HEG1: variants seen among roughly 807,000 people sequenced by gnomAD.
HEG1 encodes the protein heart development protein with EGF like domains 1.
Under a neutral mutation model 125.6 loss-of-function variants are expected in HEG1, and 56 were observed. That is an observed-to-expected ratio of 0.45 (90% CI 0.36 to 0.56). The LOEUF (loss-of-function observed/expected upper bound fraction) is 0.56. HEG1 is among the 20% of genes least tolerant of loss of function. HEG1 has a pLI of 0.00. For synonymous variants in HEG1, 644 were observed against 668.5 expected, an observed-to-expected ratio of 0.96 and a Z score of 0.57; for missense variants, 1,523 against 1,670.0, an observed-to-expected ratio of 0.91 and a Z score of 1.53.
chr3:125,013,596 G>A lies in HEG1; in HGVS notation c.1983C>T (p.Ser661=), dbSNP rs1937195407. The part of the protein sequence containing the change: ...TDAEFVSDSS[S]SSSSSSSSSS... ...AAGAAGAGGAGGAGGAGGAAGAGGAGGAGGAGGAGTCACTAACAAACTCAG... is the reference window on the plus strand; with the variant it reads ...AAGAAGAGGAGGAGGAGGAAGAGGAAGAGGAGGAGTCACTAACAAACTCAG... The change falls in exon 6 of 17, where the codon TCC becomes TCT. Residue 661 remains serine (S), a synonymous_variant. Transcript: ENST00000311127. 6.3e-7 allele frequency: 1 copy of A among 1,599,766 alleles called. No individual in the cohort carries two copies. The highest frequency in any genetic ancestry group is 8.5e-7 in the Non-Finnish European group (1 of 1,173,106).
chr3:125,019,730 T>C, intron 4 of HEG1, 133 bp from the exon 5 acceptor site: 1 of 647,696 alleles, frequency 1.5e-6, no homozygotes, highest in Non-Finnish European at 2.7e-6. Flanking sequence ...AAATGTATTA[T>C]GCACTATCAT....
intron 1 of HEG1, among the ~76,000 whole-genome samples, chr3:125,044,463 C>T (rs540432080): frequency 2.0e-5 from 3 of 152,188 alleles, no homozygotes; most frequent in Admixed American, 6.5e-5. Context: ...GCAGCCAAAA[C>T]GTAGGTAGCA....
chr3:125,028,443 C>T (rs1002078530), intron 2 of HEG1, among the ~76,000 whole-genome samples: 1 of 152,182 alleles, frequency 6.6e-6, no homozygotes, highest in African/African-American at 2.4e-5. Context: ...TACCACCCTA[C>T]AGAGAGGCCA....
intron 14 of HEG1, 60 bp downstream of exon 14, chr3:124,990,727 T>C (rs1430642939): frequency 8.1e-6 from 12 of 1,477,984 alleles, no homozygotes; most frequent in Non-Finnish European, 1.1e-5. Context: ...CTGACACCTG[T>C]GCACTAACAA....
At chr3:124,978,221 C>T (rs1356261481) in intron 14 of HEG1, among the ~76,000 whole-genome samples, 1 of 152,200 alleles carries the variant, frequency 6.6e-6, no homozygotes, top group Non-Finnish European at 1.5e-5. Context: ...AATCTCAGCT[C>T]ACTGCAACCT....
In HEG1 at chr3:124,968,865, G is replaced by C. The variant is rs1482155624; in HGVS notation, c.*1787C>G. On this transcript the variant is annotated 3_prime_UTR_variant, in exon 17 of 17. Coordinates refer to ENST00000311127, the MANE Select transcript of HEG1 (RefSeq NM_020733.2). ...AAAAGGCGACACTTTGAAATTTTAGGTTAGCCTCCACTGATAAAAACAGTT... is the reference window on the plus strand; with the variant it reads ...AAAAGGCGACACTTTGAAATTTTAGCTTAGCCTCCACTGATAAAAACAGTT... 1 of 152,196 alleles carries C rather than the reference G, an allele frequency of 6.6e-6. No homozygotes were observed. The highest frequency in any genetic ancestry group is 1.5e-5 in the Non-Finnish European group (1 of 68,042). 9.4% of individuals were successfully genotyped at this position (152,196 alleles called of 1,614,324 possible).
chr3:124,997,470 T>G (rs1246947024), intron 12 of HEG1, among the ~76,000 whole-genome samples: 1 of 152,236 alleles, frequency 6.6e-6, no homozygotes, highest in African/African-American at 2.4e-5. Context: ...TTCCTTTGAA[T>G]TTAATTGGCC....
At position 124,969,178 on chromosome 3, in the gene HEG1, T is replaced by C. The variant is rs1936379618; in HGVS notation, c.*1474A>G. ...AGGGTGGAGACAATTCTTTTACCTC[T>C]GTATTCCCCTCACTTCATCCAAAAC... On this transcript the variant is annotated 3_prime_UTR_variant, in exon 17 of 17. Coordinates refer to ENST00000311127, the MANE Select transcript of HEG1 (RefSeq NM_020733.2). 6.6e-6 allele frequency: 1 copy of C among 152,222 alleles called. No homozygotes were observed. The highest frequency in any genetic ancestry group is 2.1e-4 in the South Asian group (1 of 4,830). The allele number at this position is 152,222 out of a possible 1,614,324, so 9.4% of individuals were successfully genotyped here.
chr3:124,982,076 T>C (rs903845764), intron 14 of HEG1, among the ~76,000 whole-genome samples: 19 of 152,158 alleles, frequency 1.2e-4, no homozygotes, highest in African/African-American at 4.6e-4. Context: ...CTAATTTTTG[T>C]ATTTTTAGAG....
chr3:125,026,831 C>T (rs1270777224), intron 3 of HEG1, among the ~76,000 whole-genome samples: 7 of 152,126 alleles, frequency 4.6e-5, no homozygotes, highest in African/African-American at 7.2e-5. Context: ...GAAACCCCGT[C>T]TCTACTAAAA....
At chr3:125,003,516 T>G (rs1937029676) in intron 9 of HEG1, among the ~76,000 whole-genome samples, 1 of 152,226 alleles carries the variant, frequency 6.6e-6, no homozygotes, top group African/African-American at 2.4e-5. Context: ...TCTTGGATCC[T>G]GGGAGGCCAT....
chr3:125,037,048 T>TA (rs1280196881), intron 1 of HEG1, among the ~76,000 whole-genome samples: 2 of 152,248 alleles, frequency 1.3e-5, no homozygotes, highest in Admixed American at 6.5e-5. Context: ...GGAAACAACC[T>TA]AAATTTCTAC....
At chr3:124,988,619 A>T (rs1936782076) in intron 14 of HEG1, among the ~76,000 whole-genome samples, 1 of 152,034 alleles carries the variant, frequency 6.6e-6, no homozygotes, top group African/African-American at 2.4e-5. Context: ...GCAGGTTGCT[A>T]CTTAAAAAAC....
rs1234868959 is a variant in HEG1, at chr3:124,969,113, T to C, written c.*1539A>G. 1 of 152,196 alleles carries C rather than the reference T, an allele frequency of 6.6e-6. No individual in the cohort carries two copies. Among genetic ancestry groups the C allele is most frequent in the Non-Finnish European group, 1.5e-5 (1 of 68,038 alleles). 9.4% of individuals were successfully genotyped at this position (152,196 alleles called of 1,614,324 possible). On this transcript the variant is annotated 3_prime_UTR_variant, in exon 17 of 17. Transcript: ENST00000311127. ...CCGGGGCAGAACTGTCCCCAGTGGCTGCACCATTTCCAGAAATGTGAAGCG... is the reference window on the plus strand; with the variant it reads ...CCGGGGCAGAACTGTCCCCAGTGGCCGCACCATTTCCAGAAATGTGAAGCG...
chr3:124,995,452 ATG>A (rs139494679), intron 12 of HEG1, among the ~76,000 whole-genome samples: 1 of 152,200 alleles, frequency 6.6e-6, no homozygotes, highest in Admixed American at 6.5e-5. Context: ...TTGTGTGTGC[ATG>A]TGTGTGTGTG....
At chr3:125,041,094 T>C (rs1937590533) in intron 1 of HEG1, among the ~76,000 whole-genome samples, 1 of 152,154 alleles carries the variant, frequency 6.6e-6, no homozygotes, top group Non-Finnish European at 1.5e-5. Flanking sequence ...TTCCAGTGTC[T>C]TTCCTAACTG....
chr3:124,981,335 T>A (rs1441043767), intron 14 of HEG1, among the ~76,000 whole-genome samples: 1 of 151,822 alleles, frequency 6.6e-6, no homozygotes, highest in Non-Finnish European at 1.5e-5. Context: ...AAGGCTCCCA[T>A]GCTTGGATGT....
intron 2 of HEG1, among the ~76,000 whole-genome samples, chr3:125,027,847 A>G (rs1018475891): frequency 2.0e-5 from 3 of 152,220 alleles, no homozygotes; most frequent in African/African-American, 4.8e-5. Context: ...TGAATGCAAT[A>G]TAAACAAAAT....
chr3:125,013,020 A>T lies in HEG1; in HGVS notation c.2559T>A (p.Leu853=). Residue 853 remains leucine (L), a synonymous_variant, in exon 6 of 17, where the codon CTT becomes CTA. Coordinates refer to ENST00000311127, the MANE Select transcript of HEG1 (RefSeq NM_020733.2). ...TTTILKTSQP[L]MTTPGTLSST... is the part of the protein sequence containing the mutation. ...TTGACAGGGTGCCAGGAGTGGTCAT[A>T]AGAGGCTGAGAGGTCTTCAGAATGG... 2.5e-6 allele frequency: 4 copies of T among 1,614,050 alleles called. No homozygotes were observed. The highest frequency in any genetic ancestry group is 3.4e-6 in the Non-Finnish European group (4 of 1,179,910).
Sources: allele counts gnomAD v4.1 joint callset (sites outside exome capture counted in the v4.1 genomes callset), GRCh38; gene constraint gnomAD v4.1.1; transcripts MANE v1.5; gene names NCBI Gene and HGNC (gene_info 2026-07-23, HGNC 2026-07-21).